The following TPH2 variants were observed in gnomAD, a reference collection of about 807,000 sequenced individuals.
TPH2 encodes tryptophan hydroxylase 2.
In TPH2, 27 loss-of-function variants were observed where a neutral mutation model predicts 59.1. That is an observed-to-expected ratio of 0.46 (90% CI 0.34 to 0.63). TPH2 has a LOEUF of 0.63. TPH2 is among the 30% of genes least tolerant of loss of function. TPH2 has a pLI of 0.01. For synonymous variants in TPH2, 220 were observed against 210.5 expected (o/e 1.05, Z -0.39); for missense variants, 523 against 588.3 (o/e 0.89, Z 1.15).
chr12:71,945,311 C>A (rs1212301644), intron 4 of TPH2, among the ~76,000 whole-genome samples: 7 of 152,128 alleles, frequency 4.6e-5, no homozygotes, highest in Non-Finnish European at 7.4e-5. Context: ...TTCTCCCCTT[C>A]CCCCTTTTAC....
intron 6 of TPH2, among the ~76,000 whole-genome samples, chr12:71,977,800 A>G (rs533489524): frequency 7.9e-5 from 12 of 152,350 alleles, no homozygotes; most frequent in Non-Finnish European, 1.5e-4. Context: ...TACACCTTAA[A>G]TATATACAAT....
At chr12:72,019,811 T>A (rs1873360758) in intron 8 of TPH2, among the ~76,000 whole-genome samples, 1 of 152,118 alleles carries the variant, frequency 6.6e-6, no homozygotes, top group Non-Finnish European at 1.5e-5. Flanking sequence ...AATAGGTGAA[T>A]GAATGAGTGG....
At position 71,944,734 on chromosome 12, in the gene TPH2, C is replaced by A. The variant is rs747530155; in HGVS notation, c.540+48C>A. 2.0e-6 allele frequency: 3 copies of A among 1,528,836 alleles called. 1 individual carries two copies. The highest frequency in any genetic ancestry group is 2.2e-5 in the South Asian group (2 of 89,394). The allele number at this position is 1,528,836 out of a possible 1,614,324, so 94.7% of individuals were successfully genotyped here. A position where few individuals can be genotyped will look rare whatever the true frequency, so the allele number is the denominator to read the frequency against. Reference sequence around the variant, plus strand: ...TTCTCACATGCTCTTTCAGCTCCACCCATGTGCCAGGCACTGTGCCATGTT... The same window carrying A: ...TTCTCACATGCTCTTTCAGCTCCACACATGTGCCAGGCACTGTGCCATGTT... On this transcript the variant is annotated intron_variant, in intron 4 of 10. Transcript: ENST00000333850.
intron 4 of TPH2, among the ~76,000 whole-genome samples, chr12:71,949,297 A>T (rs1161296356): frequency 6.6e-6 from 1 of 152,178 alleles, no homozygotes; most frequent in East Asian, 1.9e-4. Flanking sequence ...ATATTTGAAA[A>T]CCTAAAGGTA....
chr12:71,982,026 T>TTTTTTTTTTTTTTTTTTTTTTTTTC (rs1250713818), intron 7 of TPH2, among the ~76,000 whole-genome samples: 1 of 135,836 alleles, frequency 7.4e-6, no homozygotes, highest in Non-Finnish European at 1.6e-5. Context: ...TTTTTTTTTT[T>TTTTTTTTTTTTTTTTTTTTTTTTTC]TTTTTTAGAC....
At chr12:71,983,292 C>G (rs191845265) in intron 7 of TPH2, among the ~76,000 whole-genome samples, 1 of 152,248 alleles carries the variant, frequency 6.6e-6, no homozygotes, top group East Asian at 1.9e-4. Flanking sequence ...GGCAATGAAT[C>G]TGCATTTCGG....
In TPH2 at chr12:72,020,020, A is replaced by G. The variant is rs558949295; in HGVS notation, c.1069-2379A>G. ...GAGATCATTAATTCATTTACCGTTT[A>G]TTTATTAATCCAGTGCTTATTAGGC... On this transcript the variant is annotated intron_variant, in intron 8 of 10. Transcript: ENST00000333850. Among the ~76,000 whole-genome samples, 3 of 152,296 alleles carry G rather than the reference A, an allele frequency of 2.0e-5. No individual in the cohort carries two copies. In the East Asian group the frequency reaches 5.8e-4, roughly 29 times the overall value.
At chr12:72,011,696 T>G (rs1230998250) in intron 8 of TPH2, among the ~76,000 whole-genome samples, 1 of 152,174 alleles carries the variant, frequency 6.6e-6, no homozygotes, top group African/African-American at 2.4e-5. Flanking sequence ...CAATGGGTCT[T>G]CAGAGTTGCT....
At chr12:71,992,159 G>T (rs2139219965) in intron 7 of TPH2, among the ~76,000 whole-genome samples, 1 of 152,280 alleles carries the variant, frequency 6.6e-6, no homozygotes, top group East Asian at 1.9e-4. Context: ...AGCTAGCTTG[G>T]CTAAACTCTC....
chr12:72,021,254 C>T (rs4488237), intron 8 of TPH2, among the ~76,000 whole-genome samples: 91,663 of 151,658 alleles, frequency 0.6, 27,831 homozygotes, highest in Non-Finnish European at 0.64. Context: ...AAGATTCCTC[C>T]GTCTGTTTAG....
chr12:71,976,517 C>T (rs148394223), intron 6 of TPH2, among the ~76,000 whole-genome samples: 76 of 152,154 alleles, frequency 5.0e-4, no homozygotes, highest in African/African-American at 1.8e-3. Context: ...AAATAAAATA[C>T]ATAACTATTA....
At chr12:72,013,250 C>T (rs1873148807) in intron 8 of TPH2, among the ~76,000 whole-genome samples, 1 of 152,192 alleles carries the variant, frequency 6.6e-6, no homozygotes, top group Admixed American at 6.5e-5. Context: ...TTTCACAATT[C>T]AGTGTCATCT....
At chr12:71,987,576 C>T (rs548830463) in intron 7 of TPH2, among the ~76,000 whole-genome samples, 1 of 152,238 alleles carries the variant, frequency 6.6e-6, no homozygotes, top group East Asian at 1.9e-4. Context: ...TGGCTGGGTG[C>T]GGTGGCTCAC....
intron 8 of TPH2, among the ~76,000 whole-genome samples, chr12:72,011,279 T>C (rs1487276): frequency 0.81 from 123,118 of 152,194 alleles, 49,975 homozygotes; most frequent in East Asian, 0.93. Context: ...ATAAAACTAG[T>C]TTTTGATTTG....
intron 1 of TPH2, among the ~76,000 whole-genome samples, chr12:71,941,211 A>G (rs1023257080): frequency 6.6e-6 from 1 of 152,218 alleles, no homozygotes; most frequent in Non-Finnish European, 1.5e-5. Flanking sequence ...TATAGTTTCC[A>G]TAGGATTCAA....
rs148974487 is a variant in TPH2 at position 71,974,355 on chromosome 12, C to T, written c.805+1640C>T. 2.0e-3 allele frequency among the ~76,000 whole-genome samples: 302 copies of T among 152,264 alleles called. 4 individuals carry two copies. The highest frequency in any genetic ancestry group is 6.8e-3 in the African/African-American group (281 of 41,550). ...GCTCTGGAGCTAAGAAGTCTAAAAT[C>T]AGGGTGTTGACAGGGCTCATTCCTT... On this transcript the variant is annotated intron_variant, in intron 6 of 10. Coordinates refer to ENST00000333850, the MANE Select transcript of TPH2 (RefSeq NM_173353.4).
chr12:71,986,052 G>A (rs114215896), intron 7 of TPH2, among the ~76,000 whole-genome samples: 1 of 152,204 alleles, frequency 6.6e-6, no homozygotes, highest in Non-Finnish European at 1.5e-5. Flanking sequence ...AAGTGACAAA[G>A]TACCTTCTCA....
intron 6 of TPH2, among the ~76,000 whole-genome samples, chr12:71,975,145 G>A (rs1411935434): frequency 1.3e-5 from 2 of 152,086 alleles, no homozygotes; most frequent in Admixed American, 6.5e-5. Flanking sequence ...TCAGGAGTTC[G>A]AGACCAGCCT....
At chr12:71,963,763 C>G in intron 5 of TPH2, among the ~76,000 whole-genome samples, 1 of 42,470 alleles carries the variant, frequency 2.4e-5, no homozygotes, top group Non-Finnish European at 5.6e-5. Context: ...GAGCTGAGAT[C>G]GTGCCACTGC....
Sources: allele counts gnomAD v4.1 joint callset (sites outside exome capture counted in the v4.1 genomes callset), GRCh38; gene constraint gnomAD v4.1.1; transcripts MANE v1.5; gene names NCBI Gene and HGNC (gene_info 2026-07-23, HGNC 2026-07-21).